SNCAIP: variants seen among roughly 807,000 people sequenced by gnomAD.
SNCAIP encodes synuclein alpha interacting protein, also known as synphilin-1.
SNCAIP carries 43 observed loss-of-function variants against 86.7 expected under a neutral mutation model. The ratio of observed to expected loss-of-function variants is 0.50; its 90% confidence interval spans 0.39 to 0.64. The LOEUF is 0.64. Ranked by LOEUF, SNCAIP falls within the 30% of genes least tolerant of loss-of-function variation. The pLI, the probability that SNCAIP is intolerant of heterozygous loss-of-function variation, is 0.00. For synonymous variants in SNCAIP, 417 were observed against 427.2 expected, an observed-to-expected ratio of 0.98 and a Z score of 0.29; for missense variants, 981 against 1,103.1, an observed-to-expected ratio of 0.89 and a Z score of 1.57.
At chr5:122,415,167 T>C (rs1211753879) in intron 3 of SNCAIP, among the ~76,000 whole-genome samples, 1 of 152,220 alleles carries the variant, frequency 6.6e-6, no homozygotes, top group African/African-American at 2.4e-5. Flanking sequence ...GGCGAGCCAC[T>C]TTCCGCTGTT....
chr5:122,450,404 A>G, intron 9 of SNCAIP, 129 bp from the exon 10 acceptor site: 1 of 784,074 alleles, frequency 1.3e-6, no homozygotes, highest in Non-Finnish European at 2.2e-6. Flanking sequence ...TCGAAAAGAA[A>G]TTATGTACTT....
rs1212303157 is a variant in SNCAIP at position 122,330,117 on chromosome 5, C to CTTTTTTTTT, written c.-47+17847_-47+17855dup. Among the ~76,000 whole-genome samples the CTTTTTTTTT allele has an allele frequency of 6.5e-3, 627 of 96,800 alleles. 94 individuals carry two copies. Among genetic ancestry groups the CTTTTTTTTT allele is most frequent in the African/African-American group, 0.026 (604 of 23,232 alleles). 63.5% of individuals were successfully genotyped at this position (96,800 alleles called of 152,430 possible). On this transcript the variant is annotated intron_variant, in intron 1 of 10. Transcript: ENST00000261368. ...CTTACCTCCGTGTACAACTTCATTT[C>CTTTTTTTTT]TTTTTTTTTTTTTTTTTTTTTTGAG...
At chr5:122,313,360 C>T (rs964097110) in intron 1 of SNCAIP, among the ~76,000 whole-genome samples, 1 of 152,208 alleles carries the variant, frequency 6.6e-6, no homozygotes. Context: ...GGAGCCTGGC[C>T]AGGGTGCAGT....
At chr5:122,439,154 G>A (rs1780215069) in intron 6 of SNCAIP, among the ~76,000 whole-genome samples, 1 of 152,196 alleles carries the variant, frequency 6.6e-6, no homozygotes, top group Admixed American at 6.5e-5. Flanking sequence ...AACATCACCT[G>A]CTGTGGTCCA....
chr5:122,380,149 G>A (rs1388268902), intron 1 of SNCAIP, among the ~76,000 whole-genome samples: 7 of 152,098 alleles, frequency 4.6e-5, no homozygotes, highest in Non-Finnish European at 8.8e-5. Flanking sequence ...GGTAGAATTC[G>A]GCTGTGAATC....
chr5:122,324,268 A>G (rs1238257304), intron 1 of SNCAIP, among the ~76,000 whole-genome samples: 1 of 152,212 alleles, frequency 6.6e-6, no homozygotes, highest in Non-Finnish European at 1.5e-5. Context: ...ATTATATCCT[A>G]CATCCAAGCT....
chr5:122,427,578 G>T (rs542396920), intron 5 of SNCAIP, among the ~76,000 whole-genome samples: 2 of 152,030 alleles, frequency 1.3e-5, no homozygotes, highest in Admixed American at 6.6e-5. Context: ...CTGTCCTGAC[G>T]CATATTTTGT....
At chr5:122,342,156 T>C (rs1757724458) in intron 1 of SNCAIP, among the ~76,000 whole-genome samples, 1 of 152,058 alleles carries the variant, frequency 6.6e-6, no homozygotes, top group African/African-American at 2.4e-5. Context: ...ACACCCAAAA[T>C]TGCAATTTTT....
chr5:122,460,649 C>G (rs1170245894), intron 10 of SNCAIP, among the ~76,000 whole-genome samples: 1 of 152,128 alleles, frequency 6.6e-6, no homozygotes, highest in Non-Finnish European at 1.5e-5. Context: ...TGTTAATTAT[C>G]ATTATGGTTA....
intron 6 of SNCAIP, among the ~76,000 whole-genome samples, chr5:122,440,263 C>A (rs1780542824): frequency 6.6e-6 from 1 of 152,186 alleles, no homozygotes; most frequent in Non-Finnish European, 1.5e-5. Context: ...AAGAACATTG[C>A]CTTGGGAGCC....
intron 1 of SNCAIP, among the ~76,000 whole-genome samples, chr5:122,332,728 C>A (rs1208791782): frequency 1.2e-4 from 18 of 152,188 alleles, no homozygotes; most frequent in Admixed American, 9.8e-4. Context: ...TTTCCCTAGC[C>A]TGCTGGCTGA....
At chr5:122,365,658 G>A (rs183850297) in intron 1 of SNCAIP, among the ~76,000 whole-genome samples, 8 of 152,168 alleles carry the variant, frequency 5.3e-5, no homozygotes, top group African/African-American at 9.7e-5. Context: ...TAGTCTGGGC[G>A]GCAGAGTAAG....
chr5:122,390,265 T>A (rs982764065), intron 1 of SNCAIP, among the ~76,000 whole-genome samples: 9 of 152,178 alleles, frequency 5.9e-5, no homozygotes, highest in African/African-American at 2.2e-4. Flanking sequence ...CAAGGCGCTG[T>A]CAGGAGATCT....
intron 10 of SNCAIP, among the ~76,000 whole-genome samples, chr5:122,452,007 A>G (rs774098732): frequency 1.2e-4 from 18 of 152,332 alleles, no homozygotes; most frequent in Non-Finnish European, 2.2e-4. Context: ...GTGATGGGAT[A>G]GTTTATTCTC....
At chr5:122,346,662 T>C (rs941218271) in intron 1 of SNCAIP, among the ~76,000 whole-genome samples, 1 of 152,106 alleles carries the variant, frequency 6.6e-6, no homozygotes, top group African/African-American at 2.4e-5. Context: ...AAATTAGGGA[T>C]AAGCTAGACA....
intron 7 of SNCAIP, chr5:122,444,326 T>C: frequency 1.7e-6 from 1 of 575,538 alleles, no homozygotes; most frequent in Non-Finnish European, 3.2e-6. Context: ...GAGAGCACAC[T>C]ATGGACAGCC....
At chr5:122,367,646 C>T (rs1763445999) in intron 1 of SNCAIP, among the ~76,000 whole-genome samples, 1 of 152,076 alleles carries the variant, frequency 6.6e-6, no homozygotes, top group East Asian at 1.9e-4. Context: ...CAAGGAACTG[C>T]ACTTATGCTG....
At chr5:122,323,798 T>G (rs1376730349) in intron 1 of SNCAIP, among the ~76,000 whole-genome samples, 1 of 152,212 alleles carries the variant, frequency 6.6e-6, no homozygotes, top group Non-Finnish European at 1.5e-5. Context: ...TCGATCCAGG[T>G]TGATGGTTTT....
At chr5:122,315,830 G>A (rs1253802336) in intron 1 of SNCAIP, among the ~76,000 whole-genome samples, 1 of 152,132 alleles carries the variant, frequency 6.6e-6, no homozygotes, top group Non-Finnish European at 1.5e-5. Context: ...GAAAGTTGAT[G>A]TTTTTGAGAA....
Sources: gnomAD v4.1 joint callset for allele counts (sites outside exome capture counted in the v4.1 genomes callset) on GRCh38, gnomAD v4.1.1 for gene constraint, MANE v1.5 for transcripts, NCBI Gene and HGNC (gene_info 2026-07-23, HGNC 2026-07-21) for gene names.